LHX6: variants seen among roughly 807,000 people sequenced by gnomAD.
LHX6 encodes the protein LIM homeobox 6.
In LHX6, 15 loss-of-function variants were observed where a neutral mutation model predicts 47.1. The ratio of observed to expected loss-of-function variants is 0.32; its 90% CI spans 0.21 to 0.49. The LOEUF is 0.49. Among genes scored for constraint, LHX6 ranks in the 20% least tolerant of loss-of-function variants. The pLI, the probability that LHX6 is intolerant of heterozygous loss-of-function variation, is 0.99. For synonymous variants in LHX6, 242 were observed against 233.5 expected, an observed-to-expected ratio of 1.04 and a Z score of -0.33; for missense variants, 404 against 539.6, an observed-to-expected ratio of 0.75 and a Z score of 2.49.
Position 122,214,016 on chromosome 9 carries a change from C to T in LHX6, c.837G>A (p.Gln279=). The change falls in exon 7 of 10, where the codon CAG becomes CAA. Residue 279 remains glutamine (Q), a synonymous_variant. Coordinates refer to ENST00000394319, the MANE Select transcript of LHX6 (RefSeq NM_014368.5). This position sits in a 1 kb window ranked among gnomAD's most constrained non-coding sequence, Gnocchi z 4.6. ...TGAGGCCCGTCATGTCCGCCAGCTT[C>T]TGCAGCGTCTGAGCGTCGGGGTTGT... is the stretch of plus-strand genomic sequence containing the variant. ...QDNNPDAQTL[Q]KLADMTGLSR... is the part of the protein sequence containing the mutation. The T allele has an allele frequency of 6.3e-7, 1 of 1,598,264 alleles. No homozygotes were observed. The highest frequency in any genetic ancestry group is 8.5e-7 in the Non-Finnish European group (1 of 1,177,650).
In LHX6 at chr9:122,226,306, C is replaced by T. The variant is rs1831094968; in HGVS notation, c.461+70G>A. The T allele has an allele frequency of 6.5e-7, 1 of 1,546,714 alleles. No homozygotes were observed. ...GTTCTGGAGGAGAGACCACACGCCG[C>T]AAAAGTGGCCTCCGAATGCGCCCGG... On this transcript the variant is annotated intron_variant, in intron 4 of 9. Transcript: ENST00000394319. The surrounding 1 kb of genome is among the most constrained non-coding windows in gnomAD (Gnocchi z 6.5).
intron 4 of LHX6, chr9:122,221,581 A>T (rs1269098620): frequency 2.0e-6 from 2 of 985,362 alleles, no homozygotes; most frequent in African/African-American, 3.5e-5. Flanking sequence ...CCCCATAAAC[A>T]CGAGGGGAAG....
At chr9:122,209,938 C>T (rs1198007421) in intron 8 of LHX6, among the ~76,000 whole-genome samples, 1 of 151,870 alleles carries the variant, frequency 6.6e-6, no homozygotes, top group Non-Finnish European at 1.5e-5. Context: ...TGCAGTGGCA[C>T]GATCTTGGCT....
At chr9:122,225,617 C>T (rs559916159) in intron 4 of LHX6, among the ~76,000 whole-genome samples, 18 of 152,378 alleles carry the variant, frequency 1.2e-4, no homozygotes, top group African/African-American at 4.3e-4. Flanking sequence ...CCCATCCTGG[C>T]GGCCTAAAGG....
rs1831113648 is a variant in LHX6 at position 122,226,630 on chromosome 9, C to G, written c.340-133G>C. Reference sequence around the variant, plus strand: ...GCATGCGATTCCCCTATTTTTCTCCCGTAATACTGAGACTCAGGGAAATGG... The same window carrying G: ...GCATGCGATTCCCCTATTTTTCTCCGGTAATACTGAGACTCAGGGAAATGG... On this transcript the variant is annotated intron_variant, in intron 3 of 9. Transcript: ENST00000394319. This position sits in a 1 kb window ranked among gnomAD's most constrained non-coding sequence, Gnocchi z 6.5. 11 of 1,360,856 alleles carry G rather than the reference C, an allele frequency of 8.1e-6. 1 individual carries two copies. The South Asian group carries it at 1.2e-4, about 15-fold the overall frequency. The allele number at this position is 1,360,856 out of a possible 1,614,324, so 84.3% of individuals were successfully genotyped here. A position where few individuals can be genotyped will look rare whatever the true frequency, so the allele number is the denominator to read the frequency against.
At chr9:122,212,140 G>C (rs10818651) in intron 8 of LHX6, among the ~76,000 whole-genome samples, 1 of 151,968 alleles carries the variant, frequency 6.6e-6, no homozygotes, top group African/African-American at 2.4e-5. Context: ...CAGTTACCTC[G>C]TTTGATGCTC....
chr9:122,206,933 GT>G (rs780110348), intron 9 of LHX6, among the ~76,000 whole-genome samples: 16 of 151,996 alleles, frequency 1.1e-4, no homozygotes, highest in Non-Finnish European at 7.4e-5. Context: ...CCTTCTTCTT[GT>G]CCCCTGTCTC....
intron 1 of LHX6, 103 bp downstream of exon 1, chr9:122,228,554 C>T: frequency 7.5e-7 from 1 of 1,340,440 alleles, no homozygotes. Flanking sequence ...CACCCTCGTA[C>T]CCCTCCTTCC....
chr9:122,219,287 G>A (rs1396990452), intron 4 of LHX6, among the ~76,000 whole-genome samples: 1 of 152,214 alleles, frequency 6.6e-6, no homozygotes, highest in Non-Finnish European at 1.5e-5. Context: ...TTCCGCAGGC[G>A]GCGCGGTTCC....
chr9:122,221,848 G>A (rs895941988), intron 4 of LHX6: 2 of 333,236 alleles, frequency 6.0e-6, no homozygotes, highest in Non-Finnish European at 8.6e-6. Context: ...ACCTATAGAA[G>A]AGTATGGGGG....
chr9:122,228,395 C>T (rs1441756004), intron 1 of LHX6: 18 of 1,498,246 alleles, frequency 1.2e-5, no homozygotes, highest in Non-Finnish European at 1.5e-5. Flanking sequence ...ACAATACCGG[C>T]CTCGCCTCCT....
chr9:122,209,598 A>G lies in LHX6; in HGVS notation c.1158+16T>C. 3 of 1,613,458 alleles carry G rather than the reference A, an allele frequency of 1.9e-6. No homozygotes were observed. The highest frequency in any genetic ancestry group is 1.3e-5 in the African/African-American group (1 of 75,002). On this transcript the variant is annotated intron_variant, in intron 9 of 9. Transcript: ENST00000394319. ...GGGTGGCTCTGACCCACCAGACCCA[A>G]CCTGGCTCCATTTACCTTCTCACCC...
Position 122,203,919 on chromosome 9 carries a change from T to TG in LHX6, c.*840dup, listed in dbSNP as rs1048351849. 1 of 152,240 alleles carries TG rather than the reference T, an allele frequency of 6.6e-6. No homozygotes were observed. The highest frequency in any genetic ancestry group is 2.4e-5 in the African/African-American group (1 of 41,454). 9.4% of individuals were successfully genotyped at this position (152,240 alleles called of 1,614,324 possible). A position where few individuals can be genotyped will look rare whatever the true frequency, so the allele number is the denominator to read the frequency against. On this transcript the variant is annotated 3_prime_UTR_variant, in exon 10 of 10. Transcript: ENST00000394319. ...CCTGTCCAAACATTCAGAAGAGTCA[T>TG]GGCACAGATCGAATACCATCGCTGC...
intron 4 of LHX6, among the ~76,000 whole-genome samples, chr9:122,220,496 C>T (rs766660465): frequency 1.3e-5 from 2 of 152,202 alleles, no homozygotes; most frequent in Non-Finnish European, 2.9e-5. Context: ...CCTTCCCAGG[C>T]GGGCTGCGAG....
rs78771911 is a variant in LHX6 at position 122,214,454 on chromosome 9, G to C, written c.683-71C>G. On this transcript the variant is annotated intron_variant, in intron 5 of 9. Transcript: ENST00000394319. The surrounding 1 kb of genome is among the most constrained non-coding windows in gnomAD (Gnocchi z 4.6). ...GTGGCAGCCTGGAAAGGACGGGGGT[G>C]GGGGGAGCTTGTCCCTGGAAGGGTC... The C allele has an allele frequency of 2.9e-3, 4,186 of 1,436,712 alleles. 85 individuals are homozygous for C. In the African/African-American group the frequency reaches 0.045, roughly 16 times the overall value. The allele number at this position is 1,436,712 out of a possible 1,614,324, so 89.0% of individuals were successfully genotyped here. A position where few individuals can be genotyped will look rare whatever the true frequency, so the allele number is the denominator to read the frequency against.
At position 122,226,304 on chromosome 9, in the gene LHX6, C is replaced by T. The variant is rs1831094869; in HGVS notation, c.461+72G>A. 1.3e-6 allele frequency: 2 copies of T among 1,542,836 alleles called. No individual in the cohort carries two copies. The highest frequency in any genetic ancestry group is 8.7e-7 in the Non-Finnish European group (1 of 1,144,054). On this transcript the variant is annotated intron_variant, in intron 4 of 9. Coordinates refer to ENST00000394319, the MANE Select transcript of LHX6 (RefSeq NM_014368.5). The surrounding 1 kb of genome is among the most constrained non-coding windows in gnomAD (Gnocchi z 6.5). ...GGGTTCTGGAGGAGAGACCACACGCCGCAAAAGTGGCCTCCGAATGCGCCC... is the reference window on the plus strand; with the variant it reads ...GGGTTCTGGAGGAGAGACCACACGCTGCAAAAGTGGCCTCCGAATGCGCCC...
intron 4 of LHX6, chr9:122,220,915 T>G (rs1254489789): frequency 5.1e-6 from 1 of 194,504 alleles, no homozygotes; most frequent in Non-Finnish European, 9.4e-6. Context: ...CGCTTGGTAA[T>G]TATTTGTTGG....
At chr9:122,227,082 G>C (rs2118919214) in intron 2 of LHX6, 52 bp from the exon 3 acceptor site, 1 of 1,434,106 alleles carries the variant, frequency 7.0e-7, no homozygotes, top group East Asian at 2.5e-5. Flanking sequence ...CCCAGAGTTG[G>C]GGCTGCCTTG....
chr9:122,216,611 A>G (rs1007257333), intron 5 of LHX6, among the ~76,000 whole-genome samples: 1 of 152,130 alleles, frequency 6.6e-6, no homozygotes, highest in Non-Finnish European at 1.5e-5. Flanking sequence ...AGCTGCTAGG[A>G]TAGGAAATGG....
Sources: gnomAD v4.1 joint callset for allele counts (sites outside exome capture counted in the v4.1 genomes callset) on GRCh38, gnomAD v4.1.1 for gene constraint, Gnocchi (gnomAD v3.1) non-coding constraint, MANE v1.5 for transcripts, NCBI Gene and HGNC (gene_info 2026-07-23, HGNC 2026-07-21) for gene names.